Variants in EGLN3 observed in about 807,000 individuals in gnomAD.
EGLN3 encodes the protein egl-9 family hypoxia inducible factor 3.
A neutral mutation model predicts 26.0 loss-of-function variants in EGLN3; 15 were observed. The observed-to-expected ratio is 0.58, with a 90% CI of 0.39 to 0.89. The LOEUF (loss-of-function observed/expected upper bound fraction) is 0.89. Among genes scored for constraint, EGLN3 ranks in the 40% least tolerant of loss-of-function variants. The pLI, the probability that EGLN3 is intolerant of heterozygous loss-of-function variation, is 0.00. For synonymous variants in EGLN3, 147 were observed against 127.2 expected, an observed-to-expected ratio of 1.16 and a Z score of -1.05; for missense variants, 238 against 311.6, an observed-to-expected ratio of 0.76 and a Z score of 1.78.
chr14:33,942,864 A>T (rs1263538709), intron 1 of EGLN3, among the ~76,000 whole-genome samples: 1 of 152,216 alleles, frequency 6.6e-6, no homozygotes, highest in Non-Finnish European at 1.5e-5. Context: ...AGAATCAAAA[A>T]TTAGCTTGAT....
intron 1 of EGLN3, among the ~76,000 whole-genome samples, chr14:33,937,659 T>A (rs1000946399): frequency 6.6e-6 from 1 of 152,148 alleles, no homozygotes; most frequent in African/African-American, 2.4e-5. Context: ...CTACTCTACT[T>A]CCACAATGCA....
At chr14:33,941,843 G>A (rs1353799681) in intron 1 of EGLN3, among the ~76,000 whole-genome samples, 3 of 152,134 alleles carry the variant, frequency 2.0e-5, no homozygotes, top group Admixed American at 6.5e-5. Context: ...ACTAGAAGGC[G>A]GTAGAGATGG....
chr14:33,950,211 T>A, intron 1 of EGLN3, 185 bp downstream of exon 1: 1 of 636,130 alleles, frequency 1.6e-6, no homozygotes, highest in South Asian at 1.8e-5. Context: ...CCCCTTAACG[T>A]TGACTTTCGC....
intron 2 of EGLN3, among the ~76,000 whole-genome samples, chr14:33,930,131 A>G (rs2064391476): frequency 6.6e-6 from 1 of 152,330 alleles, no homozygotes; most frequent in South Asian, 2.1e-4. Context: ...TTTCTTCATA[A>G]TACAACGCCT....
rs5807751 is a variant in EGLN3, at chr14:33,933,314, GA to G, written c.358-2100del. On this transcript the variant is annotated intron_variant, in intron 1 of 4. Transcript: ENST00000250457. The stretch of plus-strand genomic sequence containing the variant: ...AGAACTCAGCTCAGATTAAAATATT[GA>G]AAAAAAAAAAAAAGATGGATACAAA... Among the ~76,000 whole-genome samples the G allele has an allele frequency of 2.7e-3, 374 of 139,414 alleles. 1 individual carries two copies. Among genetic ancestry groups the G allele is most frequent in the African/African-American group, 9.4e-3 (351 of 37,340 alleles). The allele number at this position is 139,414 out of a possible 152,430, so 91.5% of individuals were successfully genotyped here. A position where few individuals can be genotyped will look rare whatever the true frequency, so the allele number is the denominator to read the frequency against.
intron 1 of EGLN3, among the ~76,000 whole-genome samples, chr14:33,942,207 C>T (rs28415817): frequency 0.015 from 2,311 of 151,558 alleles, 58 homozygotes; most frequent in African/African-American, 0.053. Context: ...CAGTAAGTTA[C>T]TTTAAAAAAC....
At chr14:33,948,592 A>T (rs1213629985) in intron 1 of EGLN3, 1 of 152,184 alleles carries the variant, frequency 6.6e-6, no homozygotes, top group Non-Finnish European at 1.5e-5. Context: ...TATCTACAGG[A>T]TCTTTCTTTC....
At chr14:33,940,985 AG>A (rs2064478663) in intron 1 of EGLN3, among the ~76,000 whole-genome samples, 1 of 152,234 alleles carries the variant, frequency 6.6e-6, no homozygotes, top group Non-Finnish European at 1.5e-5. Context: ...ATCAAATAAA[AG>A]GCACTGAAAG....
intron 2 of EGLN3, among the ~76,000 whole-genome samples, chr14:33,930,008 C>A (rs2064390537): frequency 1.3e-5 from 2 of 152,152 alleles, no homozygotes; most frequent in Non-Finnish European, 2.9e-5. Context: ...TAATCTGCAC[C>A]TTTTATGACA....
chr14:33,931,701 T>C (rs970701944), intron 1 of EGLN3, among the ~76,000 whole-genome samples: 2 of 152,108 alleles, frequency 1.3e-5, no homozygotes, highest in Non-Finnish European at 2.9e-5. Flanking sequence ...ACAGAACTAA[T>C]CACCAAAGGA....
In EGLN3 at chr14:33,950,551, C is replaced by A. The variant is rs990192742; in HGVS notation, c.202G>T (p.Val68Phe). The A allele has an allele frequency of 1.9e-6, 3 of 1,612,054 alleles. No homozygotes were observed. The African/African-American group carries it at 4.0e-5, about 22-fold the overall frequency. Residue 68 changes from valine (V) to phenylalanine (F), a missense_variant, in exon 1 of 5, where the codon GTC (valine) becomes TTC (phenylalanine). Val to Phe is a conservative substitution (Grantham distance 50). Coordinates refer to ENST00000250457, the MANE Select transcript of EGLN3 (RefSeq NM_022073.4). ...TCGCCCCGCAGGTGTCGCTTGGAGA[C>A]GCCGGCGCGCGGCCCCGCCAGCTGG... is the stretch of plus-strand genomic sequence containing the variant. ...DGQLAGPRAG[V>F]SKRHLRGDQI... is the part of the protein sequence containing the mutation.
intron 1 of EGLN3, among the ~76,000 whole-genome samples, chr14:33,941,320 G>A (rs1319659131): frequency 7.2e-5 from 11 of 152,048 alleles, no homozygotes; most frequent in South Asian, 2.1e-4. Flanking sequence ...TGGCCCTGGC[G>A]TCTCTGAGCC....
chr14:33,944,887 G>C, intron 1 of EGLN3, among the ~76,000 whole-genome samples: 1 of 152,200 alleles, frequency 6.6e-6, no homozygotes, highest in East Asian at 1.9e-4. Flanking sequence ...AAGCAGATAA[G>C]GTTATAGTGA....
At position 33,927,516 on chromosome 14, in the gene EGLN3, T is replaced by C. The variant is rs183213080; in HGVS notation, c.615-483A>G. On this transcript the variant is annotated intron_variant, in intron 3 of 4. Transcript: ENST00000250457. ...CTCTGGTTTTAATTCTATTTCAATGTAATAAAATGCATAAGGAATTCCAGG... is the reference window on the plus strand; with the variant it reads ...CTCTGGTTTTAATTCTATTTCAATGCAATAAAATGCATAAGGAATTCCAGG... Among the ~76,000 whole-genome samples, 219 of 152,288 alleles carry C rather than the reference T, an allele frequency of 1.4e-3. 3 individuals are homozygous for C. In the South Asian group the frequency reaches 0.032, roughly 22 times the overall value.
chr14:33,947,471 T>C (rs940447686), intron 1 of EGLN3, among the ~76,000 whole-genome samples: 3 of 152,216 alleles, frequency 2.0e-5, no homozygotes, highest in African/African-American at 7.2e-5. Flanking sequence ...CAATTTTAGG[T>C]CCAGTGTATC....
chr14:33,944,921 G>T (rs928146469), intron 1 of EGLN3, among the ~76,000 whole-genome samples: 1 of 152,162 alleles, frequency 6.6e-6, no homozygotes, highest in Non-Finnish European at 1.5e-5. Flanking sequence ...CCAAAATTGA[G>T]CAAAAGAAAT....
chr14:33,936,503 C>T (rs932173584), intron 1 of EGLN3, among the ~76,000 whole-genome samples: 2 of 152,124 alleles, frequency 1.3e-5, no homozygotes, highest in African/African-American at 2.4e-5. Context: ...TTTTAACACA[C>T]GCCTTGACTG....
At position 33,944,658 on chromosome 14, in the gene EGLN3, T is replaced by C. The variant is rs1173096372; in HGVS notation, c.357+5738A>G. ...TTGGAGAAAACCCAAAGAGAAACAA[T>C]GACTAATGAGCGTAAACGTGCACTT... is the stretch of plus-strand genomic sequence containing the variant. On this transcript the variant is annotated intron_variant, in intron 1 of 4. Coordinates refer to ENST00000250457, the MANE Select transcript of EGLN3 (RefSeq NM_022073.4). 3.9e-5 allele frequency among the ~76,000 whole-genome samples: 6 copies of C among 152,316 alleles called. No homozygotes were observed. In the East Asian group the frequency reaches 9.6e-4, roughly 24 times the overall value.
At position 33,950,995 on chromosome 14, in the gene EGLN3, G is replaced by T. The variant is rs1312110807; in HGVS notation, c.-243C>A. The T allele has an allele frequency of 1.3e-5, 7 of 540,610 alleles. No homozygotes were observed. 33.5% of individuals were successfully genotyped at this position (540,610 alleles called of 1,614,324 possible). On this transcript the variant is annotated 5_prime_UTR_variant, in exon 1 of 5. Transcript: ENST00000250457. ...AGCTCCACGACCCGTTTCCGGACTG[G>T]CCCGGCGAGCAGTGCGGCGCAAGGA...
Sources: gnomAD v4.1 joint callset for allele counts (sites outside exome capture counted in the v4.1 genomes callset) on GRCh38, gnomAD v4.1.1 for gene constraint, MANE v1.5 for transcripts, NCBI Gene and HGNC (gene_info 2026-07-23, HGNC 2026-07-21) for gene names.